DMTN: variants seen among roughly 807,000 people sequenced by gnomAD.
DMTN encodes the protein dematin.
Under a neutral mutation model 59.4 loss-of-function variants are expected in DMTN, and 27 were observed. The observed-to-expected ratio is 0.45, with a 90% CI of 0.33 to 0.63. DMTN has a LOEUF of 0.63. Ranked by LOEUF, DMTN falls within the 20% of genes least tolerant of loss-of-function variation. The pLI is 0.02. For synonymous variants in DMTN, 221 were observed against 203.7 expected, an observed-to-expected ratio of 1.08 and a Z score of -0.72; for missense variants, 451 against 528.9, an observed-to-expected ratio of 0.85 and a Z score of 1.45.
intron 1 of DMTN, among the ~76,000 whole-genome samples, chr8:22,061,633 C>T (rs990462571): frequency 2.0e-5 from 3 of 152,154 alleles, no homozygotes; most frequent in Non-Finnish European, 4.4e-5. Context: ...CCAGAACACA[C>T]TGAAGTTATC....
chr8:22,069,622 T>C, intron 6 of DMTN, 104 bp downstream of exon 6: 2 of 1,095,972 alleles, frequency 1.8e-6, no homozygotes, highest in Non-Finnish European at 2.6e-6. Context: ...TATGCTCGCC[T>C]CAGGGCTAAG....
chr8:22,079,302 T>TATATATATATATATA (rs1491109949), intron 10 of DMTN, among the ~76,000 whole-genome samples: 5 of 15,524 alleles, frequency 3.2e-4, no homozygotes, highest in African/African-American at 6.2e-4. Flanking sequence ...ATATATATAT[T>TATATATATATATATA]AGCTGGGTTT....
intron 4 of DMTN, among the ~76,000 whole-genome samples, chr8:22,068,731 G>C (rs1451966884): frequency 1.3e-5 from 2 of 151,384 alleles, no homozygotes; most frequent in African/African-American, 4.9e-5. Context: ...CGGGAGAGAG[G>C]AGAAAAGGGG....
At position 22,060,854 on chromosome 8, in the gene DMTN, A is replaced by C. The variant is rs1805820342; in HGVS notation, c.-172+3718A>C. Among the ~76,000 whole-genome samples, 2 of 152,268 alleles carry C rather than the reference A, an allele frequency of 1.3e-5. No individual in the cohort carries two copies. The highest frequency in any genetic ancestry group is 4.1e-4 in the South Asian group (2 of 4,838). The stretch of plus-strand genomic sequence containing the variant: ...TTAGAAATCAGACAGACCTGAGCTT[A>C]GATTCCACACAATACTGTGTCCTTG... On this transcript the variant is annotated intron_variant, in intron 1 of 15. Transcript: ENST00000358242. The surrounding 1 kb of genome is among the most constrained non-coding windows in gnomAD (Gnocchi z 5.0).
chr8:22,072,370 G>C lies in DMTN; in HGVS notation c.649G>C (p.Glu217Gln). The C allele has an allele frequency of 6.2e-7, 1 of 1,604,662 alleles. No individual in the cohort carries two copies. The highest frequency in any genetic ancestry group is 1.1e-5 in the South Asian group (1 of 89,550). Residue 217 changes from glutamate (E) to glutamine (Q), a missense_variant, in exon 9 of 16, where the codon GAA (glutamate) becomes CAA (glutamine). Coordinates refer to ENST00000358242, the MANE Select transcript of DMTN (RefSeq NM_001387751.1). The part of the protein sequence containing the change: ...KRKASRRGAE[E>Q]EEEEEDDDSG... ...GAAGGCGTCTCGGAGGGGAGCAGAG[G>C]AAGAGGAGGAGGAGGAAGATGACGA...
intron 4 of DMTN, 53 bp downstream of exon 4, chr8:22,067,735 CTG>C: frequency 3.1e-6 from 5 of 1,596,546 alleles, no homozygotes; most frequent in Non-Finnish European, 4.3e-6. Context: ...CCCAGCCACA[CTG>C]GGTGGGGACC....
intron 10 of DMTN, among the ~76,000 whole-genome samples, chr8:22,078,235 C>T (rs755772551): frequency 2.0e-5 from 3 of 151,820 alleles, no homozygotes; most frequent in East Asian, 1.9e-4. Context: ...CATGGTGGCG[C>T]GTGCCTGTAA....
chr8:22,051,556 C>G (rs566655167), upstream of DMTN, among the ~76,000 whole-genome samples: 1 of 152,284 alleles, frequency 6.6e-6, no homozygotes, highest in South Asian at 2.1e-4. Context: ...CCCCCCTCGG[C>G]CTGCCCTCAG....
In DMTN at chr8:22,066,900, G is replaced by T. The variant is rs942003393; in HGVS notation, c.18+7G>T. 1 of 1,270,170 alleles carries T rather than the reference G, an allele frequency of 7.9e-7. No individual in the cohort carries two copies. The allele number at this position is 1,270,170 out of a possible 1,614,324, so 78.7% of individuals were successfully genotyped here. On this transcript the variant is annotated splice_region_variant and intron_variant, in intron 2 of 15. Coordinates refer to ENST00000358242, the MANE Select transcript of DMTN (RefSeq NM_001387751.1). ...CATGGAACGGCTGCAGAAGGTGCGC[G>T]GCGCCGCCCCGGGCCGGGGCCGCCG...
Position 22,067,539 on chromosome 8 carries a change from A to C in DMTN, c.106A>C (p.Asn36His). 1 of 1,614,202 alleles carries C rather than the reference A, an allele frequency of 6.2e-7. No homozygotes were observed. Among genetic ancestry groups the C allele is most frequent in the South Asian group, 1.1e-5 (1 of 91,090 alleles). Residue 36 changes from asparagine (N) to histidine (H), a missense_variant, in exon 4 of 16, where the codon AAT becomes CAT. Physicochemically the swap from Asn to His is moderately conservative, Grantham distance 68. Coordinates refer to ENST00000358242, the MANE Select transcript of DMTN (RefSeq NM_001387751.1). The part of the protein sequence containing the change: ...SPSSIVAKMD[N>H]QVLGYKDLAA... ...CCTTTCCCTTCAGGCCAAGATGGAC[A>C]ATCAGGTGCTGGGCTACAAGGACCT...
Position 22,062,022 on chromosome 8 carries a change from T to C in DMTN, c.-171-4683T>C, listed in dbSNP as rs575816148. On this transcript the variant is annotated intron_variant, in intron 1 of 15. Transcript: ENST00000358242. ...TCCTCCTGCCTTGGCCCCCGAAGTG[T>C]TGGGATTACAGGCATAAGCCTCTGT... 9.2e-5 allele frequency among the ~76,000 whole-genome samples: 14 copies of C among 152,150 alleles called. No individual in the cohort carries two copies. In the East Asian group the frequency reaches 2.7e-3, roughly 29 times the overall value.
intron 5 of DMTN, 25 bp downstream of exon 5, chr8:22,069,085 TTGCCC>T: frequency 1.2e-6 from 2 of 1,608,020 alleles, no homozygotes; most frequent in Non-Finnish European, 1.7e-6. Context: ...CACCTGCAAC[TTGCCC>T]TGCCCTGCCC....
intron 10 of DMTN, among the ~76,000 whole-genome samples, chr8:22,079,499 G>T (rs1822708359): frequency 6.6e-6 from 1 of 151,804 alleles, no homozygotes; most frequent in Non-Finnish European, 1.5e-5. Context: ...TAGCTGAGCA[G>T]GTGGCCCATG....
intron 11 of DMTN, 22 bp downstream of exon 11, chr8:22,080,266 T>G (rs1404657904): frequency 6.2e-7 from 1 of 1,613,946 alleles, no homozygotes; most frequent in Admixed American, 1.7e-5. Flanking sequence ...GGACCAGAGA[T>G]ATAGACTACG....
upstream of DMTN, among the ~76,000 whole-genome samples, chr8:22,056,254 G>T (rs959057840): frequency 1.3e-5 from 2 of 152,130 alleles, no homozygotes; most frequent in Non-Finnish European, 2.9e-5. Flanking sequence ...GTTACTGAGG[G>T]GCCAGCTCAA....
At chr8:22,077,412 G>C (rs1261752535) in intron 10 of DMTN, among the ~76,000 whole-genome samples, 15 of 152,128 alleles carry the variant, frequency 9.9e-5, no homozygotes, top group Non-Finnish European at 2.2e-4. Context: ...AAAACCACTG[G>C]AACTGGGGAA....
At chr8:22,079,621 C>T (rs749630285) in intron 10 of DMTN, among the ~76,000 whole-genome samples, 2 of 151,608 alleles carry the variant, frequency 1.3e-5, no homozygotes, top group African/African-American at 4.8e-5. Flanking sequence ...AATTTTTGGC[C>T]GGGCACGGTG....
chr8:22,070,668 G>C (rs1266775697), intron 8 of DMTN, among the ~76,000 whole-genome samples: 1 of 152,184 alleles, frequency 6.6e-6, no homozygotes, highest in Non-Finnish European at 1.5e-5. Flanking sequence ...TTGGTCCCCA[G>C]CGAATTTTAT....
At chr8:22,070,105 G>A in intron 7 of DMTN, 77 bp from the exon 8 acceptor site, 6 of 1,555,846 alleles carry the variant, frequency 3.9e-6, no homozygotes, top group Non-Finnish European at 5.2e-6. Flanking sequence ...CCTCACAGGT[G>A]TGAGGGGGGA....
Sources: gnomAD v4.1 joint callset for allele counts (sites outside exome capture counted in the v4.1 genomes callset) on GRCh38, gnomAD v4.1.1 for gene constraint, Gnocchi (gnomAD v3.1) non-coding constraint, MANE v1.5 for transcripts, NCBI Gene and HGNC (gene_info 2026-07-23, HGNC 2026-07-21) for gene names.